PTK2B: variants seen among roughly 807,000 people sequenced by gnomAD.
PTK2B encodes the protein protein tyrosine kinase 2 beta.
In PTK2B, 71 loss-of-function variants were observed where a neutral mutation model predicts 142.9. The ratio of observed to expected loss-of-function variants is 0.50; its 90% CI spans 0.41 to 0.61. The LOEUF (loss-of-function observed/expected upper bound fraction) is 0.61. Ranked by LOEUF, PTK2B falls within the 20% of genes least tolerant of loss-of-function variation. The pLI, the probability that PTK2B is intolerant of heterozygous loss-of-function variation, is 0.00. For missense variants in PTK2B, 1,105 were observed against 1,320.4 expected, an observed-to-expected ratio of 0.84 and a Z score of 2.53; for synonymous variants, 519 against 503.4, an observed-to-expected ratio of 1.03 and a Z score of -0.42.
intron 1 of PTK2B, among the ~76,000 whole-genome samples, chr8:27,350,488 C>A (rs940505883): frequency 1.3e-5 from 2 of 152,140 alleles, no homozygotes; most frequent in African/African-American, 2.4e-5. Flanking sequence ...ATTTCAATAA[C>A]CTTTGGGGAG....
chr8:27,436,077 TG>T (rs1810759033), intron 14 of PTK2B, among the ~76,000 whole-genome samples, 173 bp from the exon 15 acceptor site: 1 of 152,138 alleles, frequency 6.6e-6, no homozygotes, highest in Non-Finnish European at 1.5e-5. Context: ...GGCTCTTCCC[TG>T]GGTCTGAGAC....
At chr8:27,380,916 G>C (rs1806975425) in intron 1 of PTK2B, 1 of 152,282 alleles carries the variant, frequency 6.6e-6, no homozygotes, top group Middle Eastern at 3.4e-3. Flanking sequence ...GGGAGGTGTT[G>C]GTCAAAGGGG....
Position 27,400,559 on chromosome 8 carries a change from A to G in PTK2B, c.204+2771A>G, listed in dbSNP as rs1808315792. Among the ~76,000 whole-genome samples, 3 of 152,196 alleles carry G rather than the reference A, an allele frequency of 2.0e-5. 1 individual carries two copies. In the South Asian group the frequency reaches 6.2e-4, roughly 31 times the overall value. On this transcript the variant is annotated intron_variant, in intron 2 of 30. Transcript: ENST00000346049. ...TAAGAGAATGGTGTTGGGAATAGAG[A>G]TAAATCAACGTAATTGAGTACATCT...
At chr8:27,335,362 G>A (rs1239151510) in intron 1 of PTK2B, among the ~76,000 whole-genome samples, 1 of 152,214 alleles carries the variant, frequency 6.6e-6, no homozygotes, top group Non-Finnish European at 1.5e-5. Context: ...GGAGGCCAAG[G>A]CGGGCAGATC....
intron 1 of PTK2B, among the ~76,000 whole-genome samples, chr8:27,378,297 T>G (rs905257666): frequency 3.3e-5 from 5 of 152,316 alleles, no homozygotes; most frequent in Middle Eastern, 3.4e-3. Context: ...GCCCAGACCT[T>G]AAGGAATCTT....
chr8:27,343,331 A>C (rs1400488923), intron 1 of PTK2B, among the ~76,000 whole-genome samples: 2 of 151,980 alleles, frequency 1.3e-5, no homozygotes, highest in Non-Finnish European at 2.9e-5. Flanking sequence ...CTCTCAAATC[A>C]TTTCCAAACA....
Position 27,432,243 on chromosome 8 carries a change from C to A in PTK2B, c.886-17C>A. The A allele has an allele frequency of 6.2e-7, 1 of 1,612,590 alleles. No individual in the cohort carries two copies. The highest frequency in any genetic ancestry group is 8.5e-7 in the Non-Finnish European group (1 of 1,179,124). ...TGGTAGTGGGATGGTCTGAAGCTCC[C>A]CCTTCTTTTCCCACAGCCCACCTGC... is the stretch of plus-strand genomic sequence containing the variant. On this transcript the variant is annotated splice_polypyrimidine_tract_variant and intron_variant, in intron 9 of 30. Coordinates refer to ENST00000346049, the MANE Select transcript of PTK2B (RefSeq NM_173176.3).
At chr8:27,339,033 A>C (rs1334045487) in intron 1 of PTK2B, among the ~76,000 whole-genome samples, 1 of 152,250 alleles carries the variant, frequency 6.6e-6, no homozygotes, top group Non-Finnish European at 1.5e-5. Flanking sequence ...AAAATTGTTT[A>C]AAAAACAAGT....
chr8:27,437,701 C>G, intron 17 of PTK2B, 64 bp from the exon 18 acceptor site: 1 of 1,488,898 alleles, frequency 6.7e-7, no homozygotes, highest in South Asian at 1.2e-5. Flanking sequence ...TGCCAGCACC[C>G]TGGTCCCCTG....
chr8:27,409,983 A>T (rs2131629615), intron 2 of PTK2B, among the ~76,000 whole-genome samples: 1 of 152,300 alleles, frequency 6.6e-6, no homozygotes, highest in Non-Finnish European at 1.5e-5. Flanking sequence ...CGGCCTCCCA[A>T]AGGGCTGGGA....
At chr8:27,400,353 T>TA (rs1003948357) in intron 2 of PTK2B, among the ~76,000 whole-genome samples, 3 of 151,560 alleles carry the variant, frequency 2.0e-5, no homozygotes, top group African/African-American at 7.3e-5. Flanking sequence ...CTTATTTGCC[T>TA]AAAAAACCCT....
chr8:27,421,133 C>T (rs925979279), intron 4 of PTK2B, among the ~76,000 whole-genome samples: 3 of 152,132 alleles, frequency 2.0e-5, no homozygotes, highest in Non-Finnish European at 4.4e-5. Flanking sequence ...CATTTACTTG[C>T]ATGAAGCTGT....
chr8:27,440,199 C>T (rs770129694), intron 20 of PTK2B, 38 bp from the exon 21 acceptor site: 1 of 1,601,272 alleles, frequency 6.2e-7, no homozygotes, highest in East Asian at 2.2e-5. Flanking sequence ...AGGGACTGGT[C>T]TCCCCCACCC....
chr8:27,385,259 C>G (rs1807277338), intron 1 of PTK2B, among the ~76,000 whole-genome samples: 1 of 152,124 alleles, frequency 6.6e-6, no homozygotes, highest in Non-Finnish European at 1.5e-5. Flanking sequence ...AGAAGTGAGC[C>G]CTTTGGCATG....
intron 22 of PTK2B, among the ~76,000 whole-genome samples, 159 bp downstream of exon 22, chr8:27,443,142 G>T (rs1407709049): frequency 6.6e-6 from 1 of 152,260 alleles, no homozygotes; most frequent in Non-Finnish European, 1.5e-5. Flanking sequence ...TCACATCAGT[G>T]CCCTGGCAGG....
chr8:27,398,106 G>T (rs1396760886), intron 2 of PTK2B, among the ~76,000 whole-genome samples: 1 of 152,234 alleles, frequency 6.6e-6, no homozygotes, highest in Non-Finnish European at 1.5e-5. Context: ...GGACTTAAAA[G>T]CTGCTGTCCT....
intron 23 of PTK2B, among the ~76,000 whole-genome samples, chr8:27,445,268 G>A (rs928109753): frequency 6.6e-6 from 1 of 151,946 alleles, no homozygotes; most frequent in Non-Finnish European, 1.5e-5. Context: ...AAAATTCAAG[G>A]CAGGCATGGT....
upstream of PTK2B, chr8:27,310,963 G>C: frequency 1.2e-6 from 2 of 1,612,546 alleles, no homozygotes; most frequent in Non-Finnish European, 1.7e-6. Flanking sequence ...AGCTGGTCCA[G>C]CGCGCGCCCT....
chr8:27,428,505 ATCT>A (rs1438476086), intron 5 of PTK2B, among the ~76,000 whole-genome samples: 1 of 152,170 alleles, frequency 6.6e-6, no homozygotes, highest in African/African-American at 2.4e-5. Flanking sequence ...GGAAGAACCC[ATCT>A]TCTTAGTGTT....
Sources: gnomAD v4.1 joint callset for allele counts (sites outside exome capture counted in the v4.1 genomes callset) on GRCh38, gnomAD v4.1.1 for gene constraint, MANE v1.5 for transcripts, NCBI Gene and HGNC (gene_info 2026-07-23, HGNC 2026-07-21) for gene names.